Variants in PACRGL observed in about 807,000 individuals in gnomAD.
PACRGL encodes parkin coregulated like, also known as PACRG-like protein.
Under a neutral mutation model 34.5 loss-of-function variants are expected in PACRGL, and 38 were observed. That is an observed-to-expected ratio of 1.10 (90% CI 0.85 to 1.44). The LOEUF is 1.44. Among genes scored for constraint, PACRGL ranks in the 40% most tolerant of loss-of-function variants. The probability of loss-of-function intolerance (pLI) is 0.00; values close to 1 mark genes in which losing one functional copy is unlikely to be tolerated. For missense variants in PACRGL, 305 were observed against 281.4 expected, an observed-to-expected ratio of 1.08 and a Z score of -0.60; for synonymous variants, 128 against 100.1, an observed-to-expected ratio of 1.28 and a Z score of -1.66.
intron 4 of PACRGL, among the ~76,000 whole-genome samples, chr4:20,708,497 T>C (rs1310404563): frequency 1.3e-5 from 2 of 152,294 alleles, no homozygotes; most frequent in Admixed American, 6.5e-5. Context: ...TAATGGTATT[T>C]TCGGATTTGG....
chr4:20,733,870 G>C (rs1560408724), downstream of PACRGL, among the ~76,000 whole-genome samples: 3 of 152,080 alleles, frequency 2.0e-5, no homozygotes, highest in South Asian at 2.1e-4. Context: ...GGCTATACTC[G>C]TGACCTGGCA....
Position 20,731,759 on chromosome 4 carries a change from C to G in PACRGL, c.*4418C>G, listed in dbSNP as rs1748287901. ...ACTCTCTAAGGAATTTGGGAATCAA[C>G]ACAGTACATGTACAACTTTTGTATC... On this transcript the variant is annotated 3_prime_UTR_variant, in exon 9 of 9. Coordinates refer to ENST00000503585, the MANE Select transcript of PACRGL (RefSeq NM_001258345.3). 1.0e-6 allele frequency: 1 copy of G among 985,298 alleles called. No homozygotes were observed. Among genetic ancestry groups the G allele is most frequent in the Non-Finnish European group, 1.2e-6 (1 of 829,934 alleles). 61.0% of individuals were successfully genotyped at this position (985,298 alleles called of 1,614,324 possible).
At chr4:20,752,825 C>T (rs1051520626) in exon 9 of PACRGL, 19 of 152,156 alleles carry the variant, frequency 1.2e-4, no homozygotes, top group African/African-American at 4.3e-4. Context: ...GAGAAACTGT[C>T]TACAAAAGCA....
At chr4:20,759,632 ATTT>A in the PACRGL span, among the ~76,000 whole-genome samples, 1 of 134,656 alleles carries the variant, frequency 7.4e-6, no homozygotes, top group South Asian at 2.4e-4. Context: ...TGGTTTTGGC[ATTT>A]TTGCTAATAA....
rs1560393784 is a variant in PACRGL, at chr4:20,729,619, T to TACAGCA, written c.*2278_*2279insACAGCA. ...TTTCCTTAAAGTATATAAATGGAAT[T>TACAGCA]TAAATGGAATTACAGCATTCAAACA... is the stretch of plus-strand genomic sequence containing the variant. On this transcript the variant is annotated 3_prime_UTR_variant, in exon 9 of 9. Transcript: ENST00000503585. 1.4e-5 allele frequency: 1 copy of TACAGCA among 69,920 alleles called. No individual in the cohort carries two copies. Among genetic ancestry groups the TACAGCA allele is most frequent in the African/African-American group, 7.5e-5 (1 of 13,320 alleles). The allele number at this position is 69,920 out of a possible 1,614,324, so 4.3% of individuals were successfully genotyped here.
downstream of PACRGL, among the ~76,000 whole-genome samples, chr4:20,754,636 T>C (rs145270814): frequency 7.4e-4 from 112 of 152,340 alleles, no homozygotes; most frequent in African/African-American, 2.6e-3. Flanking sequence ...GTGGTCAGAT[T>C]TCTGCATTCA....
chr4:20,733,081 C>CT (rs1227813086), downstream of PACRGL, among the ~76,000 whole-genome samples: 4 of 152,156 alleles, frequency 2.6e-5, no homozygotes, highest in Non-Finnish European at 5.9e-5. Context: ...GTTTGGATTT[C>CT]TATAGACTTT....
chr4:20,702,074 CT>C (rs1015447227), intron 1 of PACRGL: 4 of 444,572 alleles, frequency 9.0e-6, no homozygotes, highest in African/African-American at 8.1e-5. Flanking sequence ...ATGTTTAAAA[CT>C]TTTTCAAATG....
chr4:20,721,220 A>G (rs188735139), intron 7 of PACRGL, among the ~76,000 whole-genome samples: 119 of 152,168 alleles, frequency 7.8e-4, no homozygotes, highest in Middle Eastern at 6.8e-3. Context: ...CTAGTTAGCC[A>G]TTCATCTAAT....
chr4:20,733,659 G>C (rs1388820153), downstream of PACRGL, among the ~76,000 whole-genome samples: 7 of 152,174 alleles, frequency 4.6e-5, no homozygotes, highest in Non-Finnish European at 8.8e-5. Context: ...TGAAGAACAA[G>C]AGATATTTAA....
intron 1 of PACRGL, chr4:20,702,226 G>A (rs1272403141): frequency 2.2e-6 from 1 of 456,348 alleles, no homozygotes; most frequent in Non-Finnish European, 4.4e-6. Context: ...GAATTGGTAG[G>A]TAGTATTGAA....
intron 7 of PACRGL, among the ~76,000 whole-genome samples, chr4:20,720,340 G>A (rs1277161482): frequency 6.6e-6 from 1 of 152,102 alleles, no homozygotes; most frequent in East Asian, 1.9e-4. Flanking sequence ...TTTAAGGTTA[G>A]TATTGTTTTG....
chr4:20,741,399 A>T (rs542889792), intron 8 of PACRGL, among the ~76,000 whole-genome samples: 1 of 152,338 alleles, frequency 6.6e-6, no homozygotes, highest in East Asian at 1.9e-4. Flanking sequence ...ATCAAATTAA[A>T]ACTCAAGATT....
intron 5 of PACRGL, among the ~76,000 whole-genome samples, chr4:20,712,189 TTC>T (rs1235458005): frequency 4.6e-5 from 7 of 151,882 alleles, no homozygotes; most frequent in Non-Finnish European, 7.4e-5. Context: ...CTATTTTATT[TTC>T]TCTTTCTTCT....
downstream of PACRGL, among the ~76,000 whole-genome samples, chr4:20,754,378 G>A (rs139672006): frequency 6.6e-6 from 1 of 152,094 alleles, no homozygotes; most frequent in Non-Finnish European, 1.5e-5. Context: ...ACCCATCAAT[G>A]TTACTGTTCA....
At position 20,720,451 on chromosome 4, in the gene PACRGL, T is replaced by A. The variant is rs186854863; in HGVS notation, c.610-4357T>A. On this transcript the variant is annotated intron_variant, in intron 7 of 8. Coordinates refer to ENST00000503585, the MANE Select transcript of PACRGL (RefSeq NM_001258345.3). The stretch of plus-strand genomic sequence containing the variant: ...GATGGTCTTTACAATTTGGCTTGTT[T>A]TTGCAGTGGCTGGTACAGGTTGTTC... Among the ~76,000 whole-genome samples the A allele has an allele frequency of 5.3e-5, 8 of 152,348 alleles. No homozygotes were observed. The East Asian group carries it at 1.3e-3, about 26-fold the overall frequency.
At chr4:20,758,954 A>G in the PACRGL span, 1 of 1,290,038 alleles carries the variant, frequency 7.8e-7, no homozygotes, top group Non-Finnish European at 1.1e-6. Flanking sequence ...TTTTTTGCAC[A>G]TTTTGAAACA....
At chr4:20,716,077 A>G (rs759924871) in intron 7 of PACRGL, 1 of 1,515,952 alleles carries the variant, frequency 6.6e-7, no homozygotes, top group South Asian at 1.2e-5. Context: ...GATATGTATA[A>G]CTTTAATCTT....
At chr4:20,757,778 A>C (rs1035246367), downstream of PACRGL, among the ~76,000 whole-genome samples, 1 of 152,170 alleles carries the variant, frequency 6.6e-6, no homozygotes, top group African/African-American at 2.4e-5. Context: ...CTTTAAAAAA[A>C]TGAGGATTAT....
Sources: allele counts gnomAD v4.1 joint callset (sites outside exome capture counted in the v4.1 genomes callset), GRCh38; gene constraint gnomAD v4.1.1; transcripts MANE v1.5; gene names NCBI Gene and HGNC (gene_info 2026-07-23, HGNC 2026-07-21).